NOS1: variants seen among roughly 807,000 people sequenced by gnomAD.
NOS1 encodes nitric oxide synthase 1, also known as NOS type I.
A neutral mutation model predicts 164.5 loss-of-function variants in NOS1; 51 were observed. The observed-to-expected ratio is 0.31, with a 90% confidence interval of 0.25 to 0.39. The LOEUF is 0.39. NOS1 is among the 10% of genes least tolerant of loss of function. The pLI is 1.00. For missense variants in NOS1, 1,362 were observed against 1,885.6 expected (o/e 0.72, Z 5.14); for synonymous variants, 719 against 745.8 (o/e 0.96, Z 0.59).
At position 117,285,305 on chromosome 12, in the gene NOS1, C is replaced by T. The variant is rs1405906005; in HGVS notation, c.1318G>A (p.Ala440Thr). ...CAGATGTAGTTGAACATCCCGTGGG[C>T]CGTGGTGCAGTCACGGGCATCGAAT... ...QVFDARDCTT[A>T]HGMFNYICNH... is the part of the protein sequence containing the mutation. Residue 440 changes from alanine (A) to threonine (T), a missense_variant, in exon 7 of 29, where the codon GCC (alanine) becomes ACC (threonine). Coordinates refer to ENST00000317775, the MANE Select transcript of NOS1 (RefSeq NM_000620.5). The T allele has an allele frequency of 3.1e-6, 5 of 1,610,164 alleles. No individual in the cohort carries two copies. In the Admixed American group the frequency reaches 8.4e-5, roughly 27 times the overall value.
intron 3 of NOS1, among the ~76,000 whole-genome samples, chr12:117,306,660 C>A (rs1874165358): frequency 6.6e-6 from 1 of 151,658 alleles, no homozygotes. Flanking sequence ...CGCTCTGTCG[C>A]CCAGGCTGGA....
intron 3 of NOS1, among the ~76,000 whole-genome samples, chr12:117,296,129 A>T (rs946493388): frequency 3.9e-5 from 6 of 152,250 alleles, no homozygotes; most frequent in African/African-American, 1.4e-4. Flanking sequence ...TTTAGATAAT[A>T]CTTGTTTTCT....
intron 20 of NOS1, among the ~76,000 whole-genome samples, chr12:117,236,387 C>T (rs185360932): frequency 6.6e-5 from 10 of 152,090 alleles, no homozygotes; most frequent in Admixed American, 5.2e-4. Flanking sequence ...AAGAGTTGAG[C>T]GGGCACATTA....
intron 21 of NOS1, among the ~76,000 whole-genome samples, chr12:117,233,831 A>C (rs992566471): frequency 2.3e-4 from 34 of 149,062 alleles, no homozygotes; most frequent in African/African-American, 7.6e-4. Flanking sequence ...AAAAAAAAAA[A>C]GAGGGTATGT....
intron 22 of NOS1, among the ~76,000 whole-genome samples, chr12:117,231,118 G>A (rs980280781): frequency 1.6e-4 from 24 of 151,838 alleles, no homozygotes; most frequent in African/African-American, 5.3e-4. Flanking sequence ...ACCTGAGATC[G>A]GGGTTTGATG....
At position 117,243,002 on chromosome 12, in the gene NOS1, G is replaced by A. The variant is rs1275458802; in HGVS notation, c.2962+295C>T. ...GAGGAGATGAGGCAGGCATTGGTTG[G>A]GATGGGTGGGGTGGTTGTGGGTAGT... On this transcript the variant is annotated intron_variant, in intron 19 of 28. Coordinates refer to ENST00000317775, the MANE Select transcript of NOS1 (RefSeq NM_000620.5). This position sits in a 1 kb window ranked among gnomAD's most constrained non-coding sequence, Gnocchi z 4.3. Among the ~76,000 whole-genome samples, 4 of 152,216 alleles carry A rather than the reference G, an allele frequency of 2.6e-5. No homozygotes were observed. The highest frequency in any genetic ancestry group is 9.7e-5 in the African/African-American group (4 of 41,446).
intron 1 of NOS1, among the ~76,000 whole-genome samples, chr12:117,343,399 A>G (rs1018654021): frequency 6.6e-6 from 1 of 152,204 alleles, no homozygotes; most frequent in African/African-American, 2.4e-5. Flanking sequence ...TGCAAGAATC[A>G]ACATTTCCTA....
chr12:117,216,137 C>T (rs1317087971), intron 28 of NOS1, among the ~76,000 whole-genome samples: 1 of 151,268 alleles, frequency 6.6e-6, no homozygotes, highest in Admixed American at 6.6e-5. Flanking sequence ...CTTTGCCTTC[C>T]AAGGTGCTGG....
Position 117,272,672 on chromosome 12 carries a change from A to T in NOS1, c.1665-113T>A. ...ATGGACTGGGACTGACAAGGTCAGAATATGGTTCCTGGGCCCTGCTTCAGA... is the reference window on the plus strand; with the variant it reads ...ATGGACTGGGACTGACAAGGTCAGATTATGGTTCCTGGGCCCTGCTTCAGA... On this transcript the variant is annotated intron_variant, in intron 9 of 28. Coordinates refer to ENST00000317775, the MANE Select transcript of NOS1 (RefSeq NM_000620.5). The surrounding 1 kb of genome is among the most constrained non-coding windows in gnomAD (Gnocchi z 4.3). The T allele has an allele frequency of 1.0e-6, 1 of 993,786 alleles. No homozygotes were observed. The highest frequency in any genetic ancestry group is 2.6e-5 in the East Asian group (1 of 38,924). The allele number at this position is 993,786 out of a possible 1,614,324, so 61.6% of individuals were successfully genotyped here. A position where few individuals can be genotyped will look rare whatever the true frequency, so the allele number is the denominator to read the frequency against.
intron 1 of NOS1, among the ~76,000 whole-genome samples, chr12:117,361,245 C>A (rs977446094): frequency 6.6e-6 from 1 of 151,420 alleles, no homozygotes; most frequent in African/African-American, 2.4e-5. Context: ...GGTTCTGAAT[C>A]CTCCGAGTCC....
intron 1 of NOS1, among the ~76,000 whole-genome samples, chr12:117,332,884 C>A (rs553057388): frequency 6.6e-6 from 1 of 152,272 alleles, no homozygotes; most frequent in South Asian, 2.1e-4. Flanking sequence ...CCGCCAAAAT[C>A]AAATTTATAT....
rs146593598 is a variant in NOS1 at position 117,352,013 on chromosome 12, G to A, written c.-421+9499C>T. On this transcript the variant is annotated intron_variant, in intron 1 of 28. Transcript: ENST00000317775. ...TTGGGCAACATGGTGAGACCCCGTC[G>A]CTACAAAAAATTAGCCAGGTGTGGT... 6.8e-3 allele frequency among the ~76,000 whole-genome samples: 1,034 copies of A among 152,080 alleles called. 10 individuals carry two copies. Among genetic ancestry groups the A allele is most frequent in the African/African-American group, 0.023 (965 of 41,490 alleles).
intron 28 of NOS1, among the ~76,000 whole-genome samples, chr12:117,217,252 C>T (rs947700837): frequency 1.3e-5 from 2 of 152,142 alleles, no homozygotes; most frequent in African/African-American, 2.4e-5. Flanking sequence ...AAAAACTGAG[C>T]GCCAGACCTC....
intron 13 of NOS1, among the ~76,000 whole-genome samples, chr12:117,261,980 G>T (rs1277220160): frequency 6.6e-6 from 1 of 152,140 alleles, no homozygotes; most frequent in East Asian, 1.9e-4. Flanking sequence ...GAAATACCCA[G>T]GCTCGACTCC....
intron 1 of NOS1, among the ~76,000 whole-genome samples, chr12:117,341,271 C>T (rs891575430): frequency 7.9e-5 from 12 of 152,050 alleles, no homozygotes; most frequent in South Asian, 2.1e-4. Context: ...GGCTCCTTTT[C>T]GGAATGCTGC....
chr12:117,336,998 G>A (rs1206047763), intron 1 of NOS1, among the ~76,000 whole-genome samples: 1 of 151,484 alleles, frequency 6.6e-6, no homozygotes, highest in Non-Finnish European at 1.5e-5. Flanking sequence ...GTTTTGCCAT[G>A]CTGTCCAGGC....
chr12:117,334,332 C>G (rs888888160), intron 1 of NOS1, among the ~76,000 whole-genome samples: 13 of 152,088 alleles, frequency 8.5e-5, no homozygotes, highest in African/African-American at 2.9e-4. Context: ...GATATATTTT[C>G]TGTCTGCTGA....
At position 117,290,375 on chromosome 12, in the gene NOS1, A is replaced by C; in HGVS notation, c.904T>G (p.Cys302Gly). Residue 302 changes from cysteine to glycine, a missense_variant, in exon 4 of 29, where the codon TGT becomes GGT. Cys to Gly is a radical substitution (Grantham distance 159). This residue lies in a region of NOS1 where 362 missense variants were observed against 402.0 expected (regional missense o/e 0.90). Transcript: ENST00000317775. Reference sequence around the variant, plus strand: ...TTCTTGACCTTGAGGAAGCGTGGACACTTGGAGGGGCTGCCATTCTTTGTG... The same window carrying C: ...TTCTTGACCTTGAGGAAGCGTGGACCCTTGGAGGGGCTGCCATTCTTTGTG... ...SPTKNGSPSK[C>G]PRFLKVKNWE... is the part of the protein sequence containing the mutation. The C allele has an allele frequency of 6.2e-7, 1 of 1,613,776 alleles. No individual in the cohort carries two copies. Among genetic ancestry groups the C allele is most frequent in the Non-Finnish European group, 8.5e-7 (1 of 1,179,832 alleles).
intron 3 of NOS1, among the ~76,000 whole-genome samples, chr12:117,304,073 G>A (rs942547293): frequency 2.0e-5 from 3 of 152,128 alleles, no homozygotes; most frequent in African/African-American, 7.2e-5. Flanking sequence ...TGGGGAGGCT[G>A]AGGCAGGAGA....
Sources: allele counts gnomAD v4.1 joint callset (sites outside exome capture counted in the v4.1 genomes callset), GRCh38; gene constraint gnomAD v4.1.1; regional missense constraint gnomAD v4.1.1; non-coding constraint Gnocchi (gnomAD v3.1); transcripts MANE v1.5; gene names NCBI Gene and HGNC (gene_info 2026-07-23, HGNC 2026-07-21).